PRKCB: variants seen among roughly 807,000 people sequenced by gnomAD.
The protein encoded by PRKCB is protein kinase C beta type.
PRKCB carries 13 observed loss-of-function variants against 81.5 expected under a neutral mutation model. That is an observed-to-expected ratio of 0.16 (90% confidence interval 0.10 to 0.25). The LOEUF (loss-of-function observed/expected upper bound fraction) is 0.25. Among genes scored for constraint, PRKCB ranks in the 10% least tolerant of loss-of-function variants. The pLI, the probability that PRKCB is intolerant of heterozygous loss-of-function variation, is 1.00. For missense variants in PRKCB, 509 were observed against 875.7 expected (o/e 0.58, Z 5.29); for synonymous variants, 335 against 321.4 (o/e 1.04, Z -0.45).
intron 2 of PRKCB, among the ~76,000 whole-genome samples, chr16:23,904,479 A>G (rs1226765105): frequency 6.6e-6 from 1 of 152,176 alleles, no homozygotes; most frequent in Non-Finnish European, 1.5e-5. Context: ...CCTGGCCAAC[A>G]TGGCGAAACC....
rs150995335 is a variant in PRKCB, at chr16:24,036,412, A to G, written c.529+865A>G. Reference sequence around the variant, plus strand: ...AAAACTTTGCAGGAATTTCTTCTCAAAGGCTAGTGACAAACTACTGTGGAC... The same window carrying G: ...AAAACTTTGCAGGAATTTCTTCTCAGAGGCTAGTGACAAACTACTGTGGAC... On this transcript the variant is annotated intron_variant, in intron 5 of 16. Coordinates refer to ENST00000643927, the MANE Select transcript of PRKCB (RefSeq NM_002738.7). Among the ~76,000 whole-genome samples, 750 of 152,274 alleles carry G rather than the reference A, an allele frequency of 4.9e-3. 4 individuals are homozygous for G. Among genetic ancestry groups the G allele is most frequent in the Non-Finnish European group, 4.9e-3 (335 of 68,016 alleles).
chr16:23,878,277 C>T (rs1439276965), intron 2 of PRKCB, among the ~76,000 whole-genome samples: 1 of 152,172 alleles, frequency 6.6e-6, no homozygotes, highest in East Asian at 1.9e-4. Flanking sequence ...ATCCACTGAT[C>T]AACCCGTAAG....
intron 9 of PRKCB, among the ~76,000 whole-genome samples, chr16:24,127,047 C>T (rs112745419): frequency 0.032 from 4,779 of 147,362 alleles, 260 homozygotes; most frequent in African/African-American, 0.12. Context: ...CTCTTGTTGC[C>T]CAGGCTGGAG....
chr16:24,081,517 A>G (rs1334702157), intron 5 of PRKCB, among the ~76,000 whole-genome samples: 1 of 152,192 alleles, frequency 6.6e-6, no homozygotes, highest in Non-Finnish European at 1.5e-5. Flanking sequence ...TAAAATGTTC[A>G]TCCTCCCCAG....
chr16:23,942,565 A>C (rs1387974253), intron 2 of PRKCB, among the ~76,000 whole-genome samples: 1 of 152,136 alleles, frequency 6.6e-6, no homozygotes. Flanking sequence ...TACTTTTCTA[A>C]GTTTGTTTAC....
intron 2 of PRKCB, among the ~76,000 whole-genome samples, chr16:23,863,255 TACAC>T (rs57495485): frequency 3.9e-4 from 52 of 132,810 alleles, no homozygotes; most frequent in African/African-American, 6.3e-4. Context: ...TATATACACA[TACAC>T]ACACACACAC....
At chr16:23,861,170 GTTC>G (rs1332917197) in intron 2 of PRKCB, among the ~76,000 whole-genome samples, 2 of 149,522 alleles carry the variant, frequency 1.3e-5, no homozygotes, top group African/African-American at 2.5e-5. Flanking sequence ...GGATGCATTA[GTTC>G]TTTTTTTTTT....
chr16:23,910,266 C>A (rs1963630293), intron 2 of PRKCB, among the ~76,000 whole-genome samples: 1 of 152,150 alleles, frequency 6.6e-6, no homozygotes, highest in Non-Finnish European at 1.5e-5. Flanking sequence ...TAGAAGGCGG[C>A]CATCAACATT....
intron 10 of PRKCB, among the ~76,000 whole-genome samples, chr16:24,168,835 C>A (rs997146805): frequency 6.6e-6 from 1 of 150,468 alleles, no homozygotes; most frequent in Non-Finnish European, 1.5e-5. Context: ...TCTGGGATTA[C>A]AGGAGCCAGC....
Position 24,150,230 on chromosome 16 carries a change from T to C in PRKCB, c.1066-4454T>C, listed in dbSNP as rs562772302. Among the ~76,000 whole-genome samples the C allele has an allele frequency of 6.4e-4, 98 of 152,064 alleles. 1 individual carries two copies. Among genetic ancestry groups the C allele is most frequent in the Admixed American group, 1.4e-3 (22 of 15,248 alleles). On this transcript the variant is annotated intron_variant, in intron 9 of 16. Transcript: ENST00000643927. ...CCTGTAATCCCAGCTACTTGGGAGG[T>C]TGAGGCAAGAGAATTGCTTGAACTC...
At chr16:24,150,884 G>A (rs549253285) in intron 9 of PRKCB, among the ~76,000 whole-genome samples, 1 of 152,174 alleles carries the variant, frequency 6.6e-6, no homozygotes, top group African/African-American at 2.4e-5. Flanking sequence ...ATGCATGCCC[G>A]TTCTGTTTTC....
chr16:24,170,782 G>A (rs993452828), intron 10 of PRKCB, among the ~76,000 whole-genome samples: 4 of 152,214 alleles, frequency 2.6e-5, no homozygotes, highest in Non-Finnish European at 5.9e-5. Context: ...TCCAAATGAA[G>A]TATCTTTGGC....
intron 7 of PRKCB, among the ~76,000 whole-genome samples, chr16:24,095,430 G>A (rs1966427667): frequency 6.6e-6 from 1 of 152,142 alleles, no homozygotes; most frequent in Non-Finnish European, 1.5e-5. Context: ...GGGGCCACAG[G>A]ACTAGTTGGC....
At chr16:23,892,926 GGAT>G (rs2141118108) in intron 2 of PRKCB, 1 of 149,044 alleles carries the variant, frequency 6.7e-6, no homozygotes, top group African/African-American at 2.5e-5. Flanking sequence ...ATTAACCTGG[GGAT>G]GGATCAATCA....
At position 24,164,029 on chromosome 16, in the gene PRKCB, A is replaced by C. The variant is rs73548537; in HGVS notation, c.1240-8241A>C. 7.2e-3 allele frequency among the ~76,000 whole-genome samples: 1,090 copies of C among 152,346 alleles called. 10 individuals carry two copies. Among genetic ancestry groups the C allele is most frequent in the African/African-American group, 0.024 (1,017 of 41,566 alleles). ...ATGAATCCACAGACCAGCTTGGAAAATCATTAAAGATCATTAAATAGACAA... is the reference window on the plus strand; with the variant it reads ...ATGAATCCACAGACCAGCTTGGAAACTCATTAAAGATCATTAAATAGACAA... On this transcript the variant is annotated intron_variant, in intron 10 of 16. Coordinates refer to ENST00000643927, the MANE Select transcript of PRKCB (RefSeq NM_002738.7).
chr16:23,943,361 C>T (rs1196780401), intron 2 of PRKCB, among the ~76,000 whole-genome samples: 2 of 151,978 alleles, frequency 1.3e-5, no homozygotes, highest in Non-Finnish European at 1.5e-5. Context: ...CCCATCTCTA[C>T]AAAAAAAGTT....
At chr16:24,133,290 G>A (rs376240877) in intron 9 of PRKCB, among the ~76,000 whole-genome samples, 1 of 152,306 alleles carries the variant, frequency 6.6e-6, no homozygotes, top group African/African-American at 2.4e-5. Flanking sequence ...TAGTGATGGA[G>A]GGCTCTGGGT....
At chr16:24,054,291 T>C (rs1320506158) in intron 5 of PRKCB, among the ~76,000 whole-genome samples, 1 of 152,226 alleles carries the variant, frequency 6.6e-6, no homozygotes, top group Non-Finnish European at 1.5e-5. Context: ...AAGTTATGTA[T>C]TTGCAACTCC....
chr16:23,983,825 C>G (rs1479026894), intron 2 of PRKCB, among the ~76,000 whole-genome samples: 3 of 152,030 alleles, frequency 2.0e-5, no homozygotes, highest in Admixed American at 6.5e-5. Flanking sequence ...CAGTGATTCT[C>G]CTGCCTCAGT....
Sources: gnomAD v4.1 joint callset for allele counts (sites outside exome capture counted in the v4.1 genomes callset) on GRCh38, gnomAD v4.1.1 for gene constraint, MANE v1.5 for transcripts, NCBI Gene and HGNC (gene_info 2026-07-23, HGNC 2026-07-21) for gene names.